Variants in ROGDI observed in about 807,000 individuals in gnomAD.
ROGDI encodes the protein protein rogdi homolog.
In ROGDI, 46 loss-of-function variants were observed where a neutral mutation model predicts 43.1. The observed-to-expected ratio is 1.07, with a 90% CI of 0.84 to 1.37. ROGDI has a LOEUF of 1.37. Ranked by LOEUF, ROGDI falls within the 40% of genes most tolerant of loss-of-function variation. The pLI, the probability that ROGDI is intolerant of heterozygous loss-of-function variation, is 0.00. For missense variants in ROGDI, 518 were observed against 383.9 expected (o/e 1.35, Z -2.92); for synonymous variants, 243 against 162.0 (o/e 1.50, Z -3.80).
intron 4 of ROGDI, chr16:4,800,896 T>G (rs1427124296): frequency 6.1e-6 from 3 of 495,774 alleles, no homozygotes; most frequent in Non-Finnish European, 1.1e-5. Context: ...GGGCAACAGA[T>G]GGAGCCCAGG....
At chr16:4,798,875 A>T in intron 6 of ROGDI, 1 of 572,478 alleles carries the variant, frequency 1.7e-6, no homozygotes, top group Non-Finnish European at 3.1e-6. Context: ...GTCAGTCGGG[A>T]TGGGGCTGAT....
Position 4,797,274 on chromosome 16 carries a change from A to C in ROGDI, c.*186T>G, listed in dbSNP as rs2082661599. On this transcript the variant is annotated 3_prime_UTR_variant, in exon 11 of 11. Transcript: ENST00000322048. The stretch of plus-strand genomic sequence containing the variant: ...TCCCTGACCTCCCCACTACCCCACC[A>C]AACCAGCCTTCCTTCCTCCTGGCAC... 2 of 607,302 alleles carry C rather than the reference A, an allele frequency of 3.3e-6. No individual in the cohort carries two copies. Among genetic ancestry groups the C allele is most frequent in the East Asian group, 5.7e-5 (2 of 34,862 alleles). The allele number at this position is 607,302 out of a possible 1,614,324, so 37.6% of individuals were successfully genotyped here. A position where few individuals can be genotyped will look rare whatever the true frequency, so the allele number is the denominator to read the frequency against.
chr16:4,801,526 C>A lies in ROGDI; in HGVS notation c.177G>T (p.Glu59Asp). The A allele has an allele frequency of 6.2e-7, 1 of 1,607,008 alleles. No individual in the cohort carries two copies. Among genetic ancestry groups the A allele is most frequent in the Non-Finnish European group, 8.5e-7 (1 of 1,176,934 alleles). Residue 59 changes from glutamate (E) to aspartate (D), a missense_variant, in exon 3 of 11, where the codon GAG becomes GAT. Physicochemically the swap from Glu to Asp is conservative, Grantham distance 45 (BLOSUM62 2). Transcript: ENST00000322048. ...ACCCACAGCTGCCTAGGATGAAGTT[C>A]TCTTGCTTGGCGGGCCCCTCAGTGC... ...GSGTEGPAKQ[E>D]NFILGSCGTD...
Position 4,801,106 on chromosome 16 carries a change from G to C in ROGDI, c.255+161C>G, listed in dbSNP as rs1367540037. ...TACTGAATCTGCACACCGATCCCGG[G>C]AGAAGGTGTGAGGGTTGCTGTCATT... On this transcript the variant is annotated intron_variant, in intron 4 of 10. Coordinates refer to ENST00000322048, the MANE Select transcript of ROGDI (RefSeq NM_024589.3). 19 of 582,058 alleles carry C rather than the reference G, an allele frequency of 3.3e-5. No homozygotes were observed. In the East Asian group the frequency reaches 5.5e-4, roughly 17 times the overall value. 36.1% of individuals were successfully genotyped at this position (582,058 alleles called of 1,614,324 possible). A position where few individuals can be genotyped will look rare whatever the true frequency, so the allele number is the denominator to read the frequency against.
chr16:4,797,400 T>C lies in ROGDI; in HGVS notation c.*60A>G, dbSNP rs1344124109. On this transcript the variant is annotated 3_prime_UTR_variant, in exon 11 of 11. Transcript: ENST00000322048. ...GGCGTTGGCACTGGCTGGTGCTCTGTGGTGGGTATGAGTAGGGGACGGGGC... is the reference window on the plus strand; with the variant it reads ...GGCGTTGGCACTGGCTGGTGCTCTGCGGTGGGTATGAGTAGGGGACGGGGC... 3 of 1,513,016 alleles carry C rather than the reference T, an allele frequency of 2.0e-6. No individual in the cohort carries two copies. The highest frequency in any genetic ancestry group is 4.5e-5 in the East Asian group (2 of 44,350). 93.7% of individuals were successfully genotyped at this position (1,513,016 alleles called of 1,614,324 possible). A position where few individuals can be genotyped will look rare whatever the true frequency, so the allele number is the denominator to read the frequency against.
chr16:4,800,533 C>T lies in ROGDI; in HGVS notation c.301G>A (p.Ala101Thr), dbSNP rs371783831. 117 of 1,564,100 alleles carry T rather than the reference C, an allele frequency of 7.5e-5. No homozygotes were observed. Among genetic ancestry groups the T allele is most frequent in the African/African-American group, 1.5e-4 (11 of 73,770 alleles). ...TTCCACTGCTTGTCCTCCCGGAAGG[C>T]GAAGTGCAGCAGCTGGTTGTTCCGG... ...MPRNNQLLHF[A>T]FREDKQWKLQ... Residue 101 changes from alanine (A) to threonine (T), a missense_variant, in exon 5 of 11, where the codon GCC (alanine) becomes ACC (threonine). Ala to Thr is a moderately conservative substitution (Grantham distance 58, BLOSUM62 0). Coordinates refer to ENST00000322048, the MANE Select transcript of ROGDI (RefSeq NM_024589.3).
chr16:4,798,766 T>C, intron 6 of ROGDI, 99 bp from the exon 7 acceptor site: 2 of 1,025,164 alleles, frequency 2.0e-6, no homozygotes, highest in South Asian at 1.4e-5. Context: ...GCCCAGTGGC[T>C]ACTGTTCCCA....
intron 2 of ROGDI, chr16:4,801,840 G>A (rs2082727580): frequency 6.8e-6 from 4 of 591,152 alleles, no homozygotes; most frequent in Admixed American, 2.9e-5. Context: ...ACAGACAGGG[G>A]CAGCCTCCCA....
At chr16:4,799,864 C>A in intron 5 of ROGDI, 83 bp from the exon 6 acceptor site, 4 of 923,916 alleles carry the variant, frequency 4.3e-6, no homozygotes, top group Non-Finnish European at 6.8e-6. Context: ...GCCTGCCCCA[C>A]GTCATTCCAC....
At position 4,802,540 on chromosome 16, in the gene ROGDI, T is replaced by C. The variant is rs1255492428; in HGVS notation, c.32A>G (p.Glu11Gly). Residue 11 changes from glutamate to glycine, a missense_variant, in exon 1 of 11, where the codon GAG becomes GGG. Glu to Gly is a moderately conservative substitution (Grantham distance 98, BLOSUM62 -2). Coordinates refer to ENST00000322048, the MANE Select transcript of ROGDI (RefSeq NM_024589.3). Reference protein sequence around the residue: MATVMAATAAERAVLEEEFRW... With the variant: MATVMAATAAGRAVLEEEFRW... ...CGCGCGCCTTACCAGCACCGCCCGC[T>C]CCGCCGCCGTCGCTGCCATCACGGT... 7.8e-7 allele frequency: 1 copy of C among 1,275,070 alleles called. No individual in the cohort carries two copies. Among genetic ancestry groups the C allele is most frequent in the South Asian group, 2.3e-5 (1 of 43,336 alleles). The allele number at this position is 1,275,070 out of a possible 1,614,324, so 79.0% of individuals were successfully genotyped here. A position where few individuals can be genotyped will look rare whatever the true frequency, so the allele number is the denominator to read the frequency against.
intron 3 of ROGDI, 37 bp downstream of exon 3, chr16:4,801,466 T>C: frequency 6.3e-7 from 1 of 1,583,448 alleles, no homozygotes; most frequent in Non-Finnish European, 8.6e-7. Flanking sequence ...CCCCCCAAGG[T>C]ACCCATTTCC....
rs1273427204 is a variant in ROGDI at position 4,802,400 on chromosome 16, C to T, written c.99G>A (p.Gln33=). 1 of 1,569,940 alleles carries T rather than the reference C, an allele frequency of 6.4e-7. No homozygotes were observed. The highest frequency in any genetic ancestry group is 8.6e-7 in the Non-Finnish European group (1 of 1,162,252). ...TCGTTACCTTGAGGATGTCCTGCAG[C>T]TGCTTCAACACAGCGTGCACCTCGT... ...LHDEVHAVLK[Q]LQDILKEASL... The change falls in exon 2 of 11, where the codon CAG becomes CAA. Residue 33 remains glutamine (Q), a synonymous_variant. Transcript: ENST00000322048.
rs7546 is a variant in ROGDI, at chr16:4,797,316, C to T, written c.*144G>A. The T allele has an allele frequency of 0.43, 306,516 of 716,446 alleles. 67,161 individuals are homozygous for T. The highest frequency in any genetic ancestry group is 0.52 in the Admixed American group (17,584 of 33,756). The allele number at this position is 716,446 out of a possible 1,614,324, so 44.4% of individuals were successfully genotyped here. ...TCCTGGCACTTCCAGTGTCCATTCCCGGCAGTGCAAATGTGTTAGGTGGGG... is the reference window on the plus strand; with the variant it reads ...TCCTGGCACTTCCAGTGTCCATTCCTGGCAGTGCAAATGTGTTAGGTGGGG... On this transcript the variant is annotated 3_prime_UTR_variant, in exon 11 of 11. Transcript: ENST00000322048.
At chr16:4,797,657 T>A (rs4995113) in intron 10 of ROGDI, 57 bp downstream of exon 10, 2 of 779,382 alleles carry the variant, frequency 2.6e-6, no homozygotes, top group Non-Finnish European at 3.5e-6. Context: ...GCTCTGAGGG[T>A]GTGGCAAGGA....
At position 4,798,608 on chromosome 16, in the gene ROGDI, G is replaced by A; in HGVS notation, c.492C>T (p.Ala164=). 3 of 1,575,032 alleles carry A rather than the reference G, an allele frequency of 1.9e-6. No homozygotes were observed. The highest frequency in any genetic ancestry group is 2.6e-6 in the Non-Finnish European group (3 of 1,165,516). ...CGGCGATCTCGGGGAGGGTGAGGGT[G>A]GCGGGGGTGGTGAGCCGGTTTCGGG... ...TRARNRLTTP[A]TLTLPEIAAS... Residue 164 remains alanine, a synonymous_variant, in exon 7 of 11, where the codon GCC becomes GCT. Transcript: ENST00000322048.
chr16:4,799,411 A>G (rs1268477239), intron 6 of ROGDI, among the ~76,000 whole-genome samples: 1 of 152,114 alleles, frequency 6.6e-6, no homozygotes, highest in African/African-American at 2.4e-5. Context: ...AGCTCTTCAC[A>G]TGTGCCACGC....
rs1052275164 is a variant in ROGDI, at chr16:4,798,665, C to T, written c.435G>A (p.Leu145=). The T allele has an allele frequency of 2.6e-6, 4 of 1,562,170 alleles. No homozygotes were observed. Among genetic ancestry groups the T allele is most frequent in the Non-Finnish European group, 3.5e-6 (4 of 1,156,278 alleles). ...TCAGCTGCAGCATCACTGCGTCCAT[C>T]AGCTGCAGGGAGAGGCGGGGTTGGC... The part of the protein sequence containing the change: ...QFKTGAEVLK[L]MDAVMLQLTR... Residue 145 remains leucine (L), a splice_region_variant and synonymous_variant, in exon 7 of 11, where the codon CTG becomes CTA. Transcript: ENST00000322048.
chr16:4,800,611 G>A (rs757476127), intron 4 of ROGDI, 33 bp from the exon 5 acceptor site: 2 of 1,506,302 alleles, frequency 1.3e-6, no homozygotes, highest in East Asian at 2.4e-5. Context: ...GCTGGGCAGT[G>A]GGGGGGCACC....
rs780754099 is a variant in ROGDI at position 4,798,737 on chromosome 16, T to C, written c.433-70A>G. 137 of 1,260,512 alleles carry C rather than the reference T, an allele frequency of 1.1e-4. 1 individual carries two copies. The African/African-American group carries it at 1.8e-3, about 17-fold the overall frequency. 78.1% of individuals were successfully genotyped at this position (1,260,512 alleles called of 1,614,324 possible). On this transcript the variant is annotated intron_variant, in intron 6 of 10. Coordinates refer to ENST00000322048, the MANE Select transcript of ROGDI (RefSeq NM_024589.3). Reference sequence around the variant, plus strand: ...ATGCATTAAGGAACAACAGACATGGTAGCTCCCACTCCCACCCAGCCCAGT... The same window carrying C: ...ATGCATTAAGGAACAACAGACATGGCAGCTCCCACTCCCACCCAGCCCAGT...
Sources: gnomAD v4.1 joint callset for allele counts (sites outside exome capture counted in the v4.1 genomes callset) on GRCh38, gnomAD v4.1.1 for gene constraint, MANE v1.5 for transcripts, NCBI Gene and HGNC (gene_info 2026-07-23, HGNC 2026-07-21) for gene names.